ARHGAP11B: variants seen among roughly 807,000 people sequenced by gnomAD.
ARHGAP11B encodes the protein Rho GTPase activating protein 11B, also known as inactive Rho GTPase-activating protein 11B.
Under a neutral mutation model 27.6 loss-of-function variants are expected in ARHGAP11B, and 14 were observed. That is an observed-to-expected ratio of 0.51 (90% CI 0.34 to 0.79). ARHGAP11B has a LOEUF of 0.79. Ranked by LOEUF, ARHGAP11B falls within the 30% of genes least tolerant of loss-of-function variation. ARHGAP11B has a pLI of 0.02. For synonymous variants in ARHGAP11B, 82 were observed against 114.1 expected, an observed-to-expected ratio of 0.72 and a Z score of 1.80; for missense variants, 245 against 320.1, an observed-to-expected ratio of 0.77 and a Z score of 1.79.
At chr15:30,643,023 T>C (rs1275561029) in intron 7 of ARHGAP11B, among the ~76,000 whole-genome samples, 1 of 152,004 alleles carries the variant, frequency 6.6e-6, no homozygotes, top group Non-Finnish European at 1.5e-5. Context: ...GTAATGATGG[T>C]GTGCAGTACC....
At chr15:30,642,191 C>T (rs2060319852) in intron 7 of ARHGAP11B, among the ~76,000 whole-genome samples, 1 of 151,696 alleles carries the variant, frequency 6.6e-6, no homozygotes, top group Non-Finnish European at 1.5e-5. Context: ...CTCTGGGAAA[C>T]TTTGTGAATT....
chr15:30,647,032 T>G (rs548708472), intron 9 of ARHGAP11B, among the ~76,000 whole-genome samples: 1 of 152,086 alleles, frequency 6.6e-6, no homozygotes, highest in East Asian at 1.9e-4. Flanking sequence ...GTGACTGGAA[T>G]GAACTGCCCA....
At chr15:30,627,759 T>TA (rs2060219418) in intron 1 of ARHGAP11B, among the ~76,000 whole-genome samples, 1 of 152,112 alleles carries the variant, frequency 6.6e-6, no homozygotes, top group South Asian at 2.1e-4. Flanking sequence ...ATTTATATGG[T>TA]ACTTCCTAGT....
intron 7 of ARHGAP11B, among the ~76,000 whole-genome samples, chr15:30,644,063 T>C (rs559138325): frequency 1.3e-5 from 2 of 152,056 alleles, no homozygotes; most frequent in African/African-American, 2.4e-5. Flanking sequence ...ATACCTCTTC[T>C]GTAAACCCAG....
At chr15:30,644,280 T>G (rs1292295023) in intron 7 of ARHGAP11B, among the ~76,000 whole-genome samples, 2 of 152,070 alleles carry the variant, frequency 1.3e-5, no homozygotes, top group Admixed American at 6.6e-5. Context: ...TTTATATTTT[T>G]GTATCCCCCT....
chr15:30,642,874 C>T (rs748320070), intron 7 of ARHGAP11B, among the ~76,000 whole-genome samples: 3 of 152,016 alleles, frequency 2.0e-5, no homozygotes, highest in African/African-American at 4.8e-5. Flanking sequence ...TTATTTGACA[C>T]TTGAAGTTTC....
chr15:30,627,969 T>C (rs1201843902), intron 1 of ARHGAP11B, among the ~76,000 whole-genome samples: 1 of 151,956 alleles, frequency 6.6e-6, no homozygotes, highest in Non-Finnish European at 1.5e-5. Context: ...CTACAGTGAT[T>C]TTTTTCTGAT....
At chr15:30,630,239 A>C (rs2060235779) in intron 1 of ARHGAP11B, among the ~76,000 whole-genome samples, 1 of 152,130 alleles carries the variant, frequency 6.6e-6, no homozygotes, top group South Asian at 2.1e-4. Flanking sequence ...AATGAATGAC[A>C]GGAATTAGTG....
At chr15:30,626,211 A>G (rs898063525) in exon 1 of ARHGAP11B, 2 of 152,960 alleles carry the variant, frequency 1.3e-5, no homozygotes, top group Admixed American at 1.3e-4. Context: ...CGGGATGTGC[A>G]GGCCGGGAGG....
chr15:30,646,969 C>G (rs2060353289), intron 9 of ARHGAP11B, among the ~76,000 whole-genome samples: 1 of 151,818 alleles, frequency 6.6e-6, no homozygotes, highest in Non-Finnish European at 1.5e-5. Context: ...AACTCCATCT[C>G]AAAACAAAAC....
chr15:30,637,498 A>G (rs928001962), intron 6 of ARHGAP11B, among the ~76,000 whole-genome samples: 665 of 149,762 alleles, frequency 4.4e-3, no homozygotes, highest in Middle Eastern at 0.014. Flanking sequence ...ACTCTGGGAG[A>G]CCAAGGTGGG....
At chr15:30,640,733 T>C (rs2060310331) in intron 7 of ARHGAP11B, among the ~76,000 whole-genome samples, 2 of 151,896 alleles carry the variant, frequency 1.3e-5, no homozygotes, top group Admixed American at 1.3e-4. Flanking sequence ...ATTTGTTTTA[T>C]TGAGAAGTTG....
At chr15:30,646,917 C>T (rs1367249723) in intron 9 of ARHGAP11B, among the ~76,000 whole-genome samples, 2 of 150,754 alleles carry the variant, frequency 1.3e-5, no homozygotes, top group East Asian at 2.0e-4. Flanking sequence ...TGCAGTGAGC[C>T]GAGATTGCGG....
chr15:30,635,769 G>A (rs2140898567), intron 6 of ARHGAP11B, 136 bp downstream of exon 6: 2 of 814,130 alleles, frequency 2.5e-6, no homozygotes, highest in East Asian at 2.5e-5. Context: ...ACGTATGCGT[G>A]TAAAAAGTTA....
intron 7 of ARHGAP11B, among the ~76,000 whole-genome samples, chr15:30,644,350 T>G (rs1430748622): frequency 6.6e-6 from 1 of 152,098 alleles, no homozygotes; most frequent in African/African-American, 2.4e-5. Context: ...GTTGAATGAC[T>G]GAATTTCTAA....
chr15:30,629,548 G>C (rs568809588), intron 1 of ARHGAP11B, among the ~76,000 whole-genome samples: 2 of 151,862 alleles, frequency 1.3e-5, no homozygotes, highest in Non-Finnish European at 2.9e-5. Context: ...GTGAGACTCC[G>C]TCTCAAAAAA....
chr15:30,645,885 A>G (rs985362154), intron 8 of ARHGAP11B, among the ~76,000 whole-genome samples: 1 of 152,072 alleles, frequency 6.6e-6, no homozygotes, highest in Non-Finnish European at 1.5e-5. Flanking sequence ...TTTATTTGAA[A>G]GCATAGTTTT....
At chr15:30,643,257 C>T (rs2060325717) in intron 7 of ARHGAP11B, among the ~76,000 whole-genome samples, 1 of 150,894 alleles carries the variant, frequency 6.6e-6, no homozygotes, top group Non-Finnish European at 1.5e-5. Flanking sequence ...ACTTTTCTTG[C>T]CTTTCATGAC....
intron 2 of ARHGAP11B, among the ~76,000 whole-genome samples, chr15:30,632,689 A>C (rs2060253532): frequency 6.6e-6 from 1 of 151,238 alleles, no homozygotes; most frequent in African/African-American, 2.4e-5. Flanking sequence ...ATTGAGATTT[A>C]TTTGAACATT....
Sources: gnomAD v4.1 joint callset for allele counts (sites outside exome capture counted in the v4.1 genomes callset) on GRCh38, gnomAD v4.1.1 for gene constraint, MANE v1.5 for transcripts, NCBI Gene and HGNC (gene_info 2026-07-23, HGNC 2026-07-21) for gene names.